The following ULK4 variants were observed in gnomAD, a reference collection of about 807,000 sequenced individuals.
ULK4 encodes unc-51 like kinase 4.
ULK4 carries 133 observed loss-of-function variants against 160.6 expected under a neutral mutation model. The observed-to-expected ratio is 0.83, with a 90% CI of 0.72 to 0.96. ULK4 has a LOEUF of 0.96. Among genes scored for constraint, ULK4 ranks in the 40% least tolerant of loss-of-function variants. The probability of loss-of-function intolerance (pLI) is 0.00; values close to 1 mark genes in which losing one functional copy is unlikely to be tolerated. For missense variants in ULK4, 1,580 were observed against 1,499.5 expected (o/e 1.05, Z -0.89); for synonymous variants, 534 against 539.8 (o/e 0.99, Z 0.15).
At chr3:41,944,982 C>A (rs911487438) in intron 2 of ULK4, among the ~76,000 whole-genome samples, 1 of 152,124 alleles carries the variant, frequency 6.6e-6, no homozygotes, top group Admixed American at 6.6e-5. Flanking sequence ...TTCTGGCTAA[C>A]AAAAGGACTT....
At chr3:41,478,518 T>C (rs541663578) in intron 32 of ULK4, among the ~76,000 whole-genome samples, 107 of 152,320 alleles carry the variant, frequency 7.0e-4, no homozygotes, top group African/African-American at 2.4e-3. Context: ...ATTCCAAGCA[T>C]ATAATTTATT....
intron 32 of ULK4, among the ~76,000 whole-genome samples, chr3:41,529,658 T>G (rs986088791): frequency 1.3e-5 from 2 of 152,160 alleles, no homozygotes; most frequent in Non-Finnish European, 2.9e-5. Flanking sequence ...CTTTTTCTTT[T>G]TCCCCCATAT....
At chr3:41,640,801 T>C (rs905386693) in intron 30 of ULK4, among the ~76,000 whole-genome samples, 2 of 151,828 alleles carry the variant, frequency 1.3e-5, no homozygotes, top group African/African-American at 2.4e-5. Flanking sequence ...ATATACAACT[T>C]TTTTTTAATT....
chr3:41,326,830 C>T (rs2080347456), intron 35 of ULK4, among the ~76,000 whole-genome samples: 1 of 152,152 alleles, frequency 6.6e-6, no homozygotes, highest in African/African-American at 2.4e-5. Flanking sequence ...AAGACAGGGA[C>T]ATCCATTAGC....
intron 9 of ULK4, 119 bp from the exon 10 acceptor site, chr3:41,911,778 A>C: frequency 1.3e-6 from 1 of 750,456 alleles, no homozygotes; most frequent in Non-Finnish European, 2.2e-6. Context: ...GCAAAGTTAC[A>C]GAATCTCTTA....
chr3:41,832,699 CTTGAG>C (rs1161639053), intron 18 of ULK4, among the ~76,000 whole-genome samples: 13 of 152,144 alleles, frequency 8.5e-5, no homozygotes, highest in Non-Finnish European at 1.3e-4. Context: ...TTTAATCCAT[CTTGAG>C]TTAATTTTTG....
At chr3:41,453,468 C>T (rs1483461197) in intron 34 of ULK4, among the ~76,000 whole-genome samples, 2 of 152,228 alleles carry the variant, frequency 1.3e-5, no homozygotes, top group African/African-American at 4.8e-5. Flanking sequence ...TGAGCCACCA[C>T]ACCTGGCCTG....
At position 41,480,991 on chromosome 3, in the gene ULK4, G is replaced by C. The variant is rs1357415666; in HGVS notation, c.3227-17738C>G. On this transcript the variant is annotated intron_variant, in intron 32 of 36. Transcript: ENST00000301831. Reference sequence around the variant, plus strand: ...ACATGTGGGGATTATGGGAGCTACAGTTCAAGATGAGATGTGGATAGGGAC... The same window carrying C: ...ACATGTGGGGATTATGGGAGCTACACTTCAAGATGAGATGTGGATAGGGAC... 2.0e-5 allele frequency among the ~76,000 whole-genome samples: 3 copies of C among 152,170 alleles called. No individual in the cohort carries two copies. The East Asian group carries it at 5.8e-4, about 29-fold the overall frequency.
chr3:41,415,430 C>T (rs2082502383), intron 34 of ULK4, among the ~76,000 whole-genome samples: 1 of 152,108 alleles, frequency 6.6e-6, no homozygotes, highest in South Asian at 2.1e-4. Context: ...CCCTACAATC[C>T]ATTTTCCCCA....
chr3:41,895,471 T>C (rs1698120499), intron 16 of ULK4, 47 bp downstream of exon 16: 8 of 1,062,650 alleles, frequency 7.5e-6, no homozygotes, highest in Non-Finnish European at 1.1e-5. Context: ...CTGTAACTAC[T>C]TAATAAAGTC....
intron 35 of ULK4, among the ~76,000 whole-genome samples, chr3:41,312,085 TGCCTCA>T (rs1484122125): frequency 6.6e-6 from 1 of 152,010 alleles, no homozygotes; most frequent in East Asian, 1.9e-4. Flanking sequence ...GCTAACCTCC[TGCCTCA>T]GCCTCCTGAT....
chr3:41,931,472 A>AAT (rs572621690), intron 5 of ULK4, among the ~76,000 whole-genome samples: 17,687 of 126,784 alleles, frequency 0.14, 1,294 homozygotes, highest in Middle Eastern at 0.28. Context: ...CTAGAACTTA[A>AAT]AAAAAAAAAA....
At chr3:41,680,512 C>T (rs1237235921) in intron 29 of ULK4, among the ~76,000 whole-genome samples, 1 of 152,104 alleles carries the variant, frequency 6.6e-6, no homozygotes, top group Non-Finnish European at 1.5e-5. Context: ...TGGTTGAGTG[C>T]TTCATCTACA....
chr3:41,483,154 T>A (rs1306017145), intron 32 of ULK4, among the ~76,000 whole-genome samples: 1 of 152,188 alleles, frequency 6.6e-6, no homozygotes, highest in Non-Finnish European at 1.5e-5. Context: ...CCCACTTTAG[T>A]CCTACCTCCC....
intron 32 of ULK4, among the ~76,000 whole-genome samples, chr3:41,476,602 G>A (rs1269794456): frequency 6.6e-6 from 1 of 152,066 alleles, no homozygotes; most frequent in Non-Finnish European, 1.5e-5. Context: ...GAAACATTAA[G>A]CCATTCCTTT....
chr3:41,953,287 T>C lies in ULK4; in HGVS notation c.138+1335A>G, dbSNP rs11712394. On this transcript the variant is annotated intron_variant, in intron 2 of 36. Coordinates refer to ENST00000301831, the MANE Select transcript of ULK4 (RefSeq NM_017886.4). ...ATACACATATATACATATATACACA[T>C]ATATATATATATATATATTTTTTTT... 6.1e-3 allele frequency among the ~76,000 whole-genome samples: 215 copies of C among 35,316 alleles called. 1 individual carries two copies. Among genetic ancestry groups the C allele is most frequent in the Admixed American group, 0.022 (63 of 2,926 alleles). The allele number at this position is 35,316 out of a possible 152,430, so 23.2% of individuals were successfully genotyped here. A position where few individuals can be genotyped will look rare whatever the true frequency, so the allele number is the denominator to read the frequency against.
chr3:41,340,178 T>C (rs1422373743), intron 35 of ULK4, among the ~76,000 whole-genome samples: 1 of 152,272 alleles, frequency 6.6e-6, no homozygotes, highest in Non-Finnish European at 1.5e-5. Context: ...TGATGTTTGA[T>C]TGGGTTTTTA....
chr3:41,721,279 T>TTTTTGG lies in ULK4; in HGVS notation c.2322-3419_2322-3418insCCAAAA, dbSNP rs59279977. ...AATTTTTTTTTTTTTTTTTTTTTTT[T>TTTTTGG]TTTTTGGGTTTTGAACCATGAGTAT... On this transcript the variant is annotated intron_variant, in intron 22 of 36. Coordinates refer to ENST00000301831, the MANE Select transcript of ULK4 (RefSeq NM_017886.4). Among the ~76,000 whole-genome samples, 252 of 98,748 alleles carry TTTTTGG rather than the reference T, an allele frequency of 2.6e-3. 3 individuals are homozygous for TTTTTGG. The highest frequency in any genetic ancestry group is 4.7e-3 in the East Asian group (17 of 3,626). The allele number at this position is 98,748 out of a possible 152,430, so 64.8% of individuals were successfully genotyped here. A position where few individuals can be genotyped will look rare whatever the true frequency, so the allele number is the denominator to read the frequency against.
intron 19 of ULK4, among the ~76,000 whole-genome samples, chr3:41,801,968 C>T (rs184350090): frequency 1.3e-5 from 2 of 148,946 alleles, no homozygotes; most frequent in African/African-American, 4.9e-5. Flanking sequence ...TCATCAGAAA[C>T]AATACATACA....
Sources: gnomAD v4.1 joint callset for allele counts (sites outside exome capture counted in the v4.1 genomes callset) on GRCh38, gnomAD v4.1.1 for gene constraint, MANE v1.5 for transcripts, NCBI Gene and HGNC (gene_info 2026-07-23, HGNC 2026-07-21) for gene names.